Variants in OLFM3 observed in about 807,000 individuals in gnomAD.
OLFM3 encodes the protein olfactomedin 3.
OLFM3 carries 20 observed loss-of-function variants against 48.6 expected under a neutral mutation model. The observed-to-expected ratio is 0.41, with a 90% confidence interval of 0.29 to 0.60. The LOEUF (loss-of-function observed/expected upper bound fraction) is 0.60. Among genes scored for constraint, OLFM3 ranks in the 20% least tolerant of loss-of-function variants. The pLI is 0.28. For missense variants in OLFM3, 437 were observed against 544.3 expected (o/e 0.80, Z 1.96); for synonymous variants, 222 against 198.1 (o/e 1.12, Z -1.01).
chr1:101,819,638 C>CT (rs570726728), intron 4 of OLFM3, among the ~76,000 whole-genome samples: 11 of 151,670 alleles, frequency 7.3e-5, no homozygotes, highest in Non-Finnish European at 1.2e-4. Flanking sequence ...AATCTAGCCT[C>CT]TTTTTTTTCT....
At chr1:101,917,168 T>G (rs1252513426) in intron 1 of OLFM3, among the ~76,000 whole-genome samples, 1 of 152,098 alleles carries the variant, frequency 6.6e-6, no homozygotes, top group Non-Finnish European at 1.5e-5. Context: ...TAGAGTTAAG[T>G]CAAGAGTTAA....
intron 1 of OLFM3, among the ~76,000 whole-genome samples, chr1:101,924,831 T>C (rs1433143457): frequency 6.6e-6 from 1 of 152,196 alleles, no homozygotes; most frequent in African/African-American, 2.4e-5. Flanking sequence ...ATTCAATGAA[T>C]GTTTATTTAG....
intron 1 of OLFM3, among the ~76,000 whole-genome samples, chr1:101,965,391 T>A (rs992762784): frequency 1.2e-4 from 19 of 152,194 alleles, no homozygotes; most frequent in African/African-American, 4.6e-4. Flanking sequence ...AGCTATTAAG[T>A]CATGCACATT....
At chr1:101,961,782 A>G (rs1660474765) in intron 1 of OLFM3, among the ~76,000 whole-genome samples, 1 of 152,146 alleles carries the variant, frequency 6.6e-6, no homozygotes, top group South Asian at 2.1e-4. Flanking sequence ...AGGACACTGG[A>G]CATGAAGTTT....
At chr1:101,922,899 G>C (rs1659145099) in intron 1 of OLFM3, among the ~76,000 whole-genome samples, 1 of 152,196 alleles carries the variant, frequency 6.6e-6, no homozygotes, top group Non-Finnish European at 1.5e-5. Flanking sequence ...GATGAGGGGA[G>C]TACTGTACTA....
At chr1:101,990,579 T>G (rs1661370287) in intron 1 of OLFM3, among the ~76,000 whole-genome samples, 1 of 152,234 alleles carries the variant, frequency 6.6e-6, no homozygotes, top group African/African-American at 2.4e-5. Context: ...CTGTTAGAGC[T>G]GAAAGCCACT....
chr1:101,976,253 A>C (rs907596797), intron 1 of OLFM3, among the ~76,000 whole-genome samples: 1 of 152,172 alleles, frequency 6.6e-6, no homozygotes, highest in African/African-American at 2.4e-5. Flanking sequence ...AAATTACTCC[A>C]TTTTGTGTTT....
At chr1:101,872,229 A>G (rs1657111215) in intron 1 of OLFM3, among the ~76,000 whole-genome samples, 1 of 152,096 alleles carries the variant, frequency 6.6e-6, no homozygotes, top group Admixed American at 6.6e-5. Flanking sequence ...ACAGGGAGTT[A>G]GCAAAGGTGT....
chr1:101,846,989 G>T (rs763529743), intron 1 of OLFM3: 12 of 1,607,806 alleles, frequency 7.5e-6, no homozygotes, highest in Admixed American at 6.7e-5. Flanking sequence ...TGGAGCTAAT[G>T]AGTTTTCATA....
At position 101,825,097 on chromosome 1, in the gene OLFM3, T is replaced by A; in HGVS notation, c.521A>T (p.Tyr174Phe). The change falls in exon 4 of 6, where the codon TAT becomes TTT. Residue 174 changes from tyrosine to phenylalanine, a missense_variant. By Grantham distance (22) the Tyr-to-Phe change is conservative. Around this residue, in one of 3 missense-constraint regions of OLFM3, gnomAD observed 314 missense variants for 365.5 expected, o/e 0.86. Transcript: ENST00000370103. The stretch of plus-strand genomic sequence containing the variant: ...TCTTTGGTGTAGTTCCTCGTAGTCA[T>A]AGGCACCAATTTCCTCCTGAATACC... ...LTGIQEEIGA[Y>F]DYEELHQRVL... is the part of the protein sequence containing the mutation. 6.2e-7 allele frequency: 1 copy of A among 1,614,098 alleles called. No homozygotes were observed. The highest frequency in any genetic ancestry group is 8.5e-7 in the Non-Finnish European group (1 of 1,179,972).
At chr1:101,959,333 C>G (rs1449575236) in intron 1 of OLFM3, among the ~76,000 whole-genome samples, 2 of 74,398 alleles carry the variant, frequency 2.7e-5, no homozygotes, top group Non-Finnish European at 5.3e-5. Flanking sequence ...TCTTTCCTCC[C>G]CTCCTTTTTT....
chr1:101,914,318 A>T (rs1385273894), intron 1 of OLFM3, among the ~76,000 whole-genome samples: 3 of 152,092 alleles, frequency 2.0e-5, no homozygotes, highest in African/African-American at 7.2e-5. Context: ...GGCTTACCAC[A>T]TTGTTTTTGA....
intron 1 of OLFM3, among the ~76,000 whole-genome samples, chr1:101,928,298 C>G: frequency 6.6e-6 from 1 of 152,010 alleles, no homozygotes; most frequent in East Asian, 1.9e-4. Context: ...GAGAAACAAA[C>G]AAACAAAAAG....
chr1:101,838,629 G>T (rs1479369060), intron 1 of OLFM3, among the ~76,000 whole-genome samples: 1 of 152,066 alleles, frequency 6.6e-6, no homozygotes, highest in Non-Finnish European at 1.5e-5. Flanking sequence ...CCATTAAAAA[G>T]TTCTTTTCAT....
intron 1 of OLFM3, among the ~76,000 whole-genome samples, chr1:101,865,978 T>G (rs1402558142): frequency 1.3e-5 from 2 of 152,314 alleles, no homozygotes; most frequent in East Asian, 3.9e-4. Context: ...TTTCATTATA[T>G]GCAACAAAGC....
intron 1 of OLFM3, among the ~76,000 whole-genome samples, chr1:101,840,828 C>T (rs958981459): frequency 6.6e-6 from 1 of 152,178 alleles, no homozygotes; most frequent in African/African-American, 2.4e-5. Context: ...TTCTGAACTA[C>T]TGTGAAGCTC....
intron 1 of OLFM3, among the ~76,000 whole-genome samples, chr1:101,860,194 C>T (rs1197467399): frequency 6.6e-6 from 1 of 152,010 alleles, no homozygotes; most frequent in East Asian, 1.9e-4. Flanking sequence ...GAGTTCTTGT[C>T]ATCCAGAGTT....
At chr1:101,874,109 G>A (rs1315894627) in intron 1 of OLFM3, among the ~76,000 whole-genome samples, 2 of 151,806 alleles carry the variant, frequency 1.3e-5, no homozygotes, top group Non-Finnish European at 2.9e-5. Flanking sequence ...CTATAAGTTG[G>A]AAAAATAGTT....
At chr1:101,834,717 A>G (rs544502045) in intron 2 of OLFM3, among the ~76,000 whole-genome samples, 1 of 152,314 alleles carries the variant, frequency 6.6e-6, no homozygotes, top group South Asian at 2.1e-4. Context: ...AATTTTGTGA[A>G]TAAATTTTGT....
Sources: allele counts gnomAD v4.1 joint callset (sites outside exome capture counted in the v4.1 genomes callset), GRCh38; gene constraint gnomAD v4.1.1; regional missense constraint gnomAD v4.1.1; transcripts MANE v1.5; gene names NCBI Gene and HGNC (gene_info 2026-07-23, HGNC 2026-07-21).